The following IGSF21 variants were observed in gnomAD, a reference collection of about 807,000 sequenced individuals.
IGSF21 encodes immunoglobulin superfamily member 21.
IGSF21 carries 28 observed loss-of-function variants against 46.8 expected under a neutral mutation model. The ratio of observed to expected loss-of-function variants is 0.60; its 90% confidence interval spans 0.44 to 0.82. IGSF21 has a LOEUF of 0.82. Ranked by LOEUF, IGSF21 falls within the 40% of genes least tolerant of loss-of-function variation. IGSF21 has a pLI of 0.00. For missense variants in IGSF21, 624 were observed against 665.5 expected (o/e 0.94, Z 0.69); for synonymous variants, 284 against 273.6 (o/e 1.04, Z -0.38).
At chr1:18,252,938 C>T (rs912567842) in intron 2 of IGSF21, among the ~76,000 whole-genome samples, 1 of 152,130 alleles carries the variant, frequency 6.6e-6, no homozygotes, top group African/African-American at 2.4e-5. Context: ...GGTAACAAAC[C>T]TTTAGCTCAG....
intron 1 of IGSF21, among the ~76,000 whole-genome samples, chr1:18,119,746 G>C (rs942712696): frequency 2.6e-5 from 3 of 113,450 alleles, no homozygotes; most frequent in African/African-American, 9.6e-5. Flanking sequence ...AGGGGGCAAG[G>C]CTTTTAATAA....
rs2084587749 is a variant in IGSF21, at chr1:18,228,107, C to T, written c.183+97C>T. 1.3e-5 allele frequency: 12 copies of T among 906,962 alleles called. No homozygotes were observed. The South Asian group carries it at 1.6e-4, about 12-fold the overall frequency. 56.2% of individuals were successfully genotyped at this position (906,962 alleles called of 1,614,324 possible). A position where few individuals can be genotyped will look rare whatever the true frequency, so the allele number is the denominator to read the frequency against. ...ACCCTCACTGGTGTGGCTATGACCT[C>T]AGCCCTGACCCAGTCCTGAGTTGTC... On this transcript the variant is annotated intron_variant, in intron 2 of 9. Transcript: ENST00000251296.
chr1:18,151,973 T>G (rs1352195690), intron 1 of IGSF21, among the ~76,000 whole-genome samples: 1 of 152,172 alleles, frequency 6.6e-6, no homozygotes, highest in Non-Finnish European at 1.5e-5. Context: ...GTCACCCTAC[T>G]CATCACTCTG....
chr1:18,293,830 G>T (rs1444229910), intron 3 of IGSF21, among the ~76,000 whole-genome samples: 1 of 152,124 alleles, frequency 6.6e-6, no homozygotes, highest in East Asian at 1.9e-4. Flanking sequence ...CACCAGCAAG[G>T]CCTCTAGGAC....
intron 2 of IGSF21, among the ~76,000 whole-genome samples, chr1:18,262,146 A>G (rs2084952752): frequency 6.6e-6 from 1 of 152,108 alleles, no homozygotes; most frequent in South Asian, 2.1e-4. Flanking sequence ...CCAAATCGGG[A>G]CCGTACTTTG....
rs540550703 is a variant in IGSF21, at chr1:18,332,938, C to T, written c.306-1954C>T. Reference sequence around the variant, plus strand: ...TCACAGGGGAAAAGGAGCCAGAAGACGAAGATGGAGCAGGTAGCTAAAAGG... The same window carrying T: ...TCACAGGGGAAAAGGAGCCAGAAGATGAAGATGGAGCAGGTAGCTAAAAGG... On this transcript the variant is annotated intron_variant, in intron 3 of 9. Coordinates refer to ENST00000251296, the MANE Select transcript of IGSF21 (RefSeq NM_032880.5). Among the ~76,000 whole-genome samples, 8 of 152,162 alleles carry T rather than the reference C, an allele frequency of 5.3e-5. No homozygotes were observed. The South Asian group carries it at 1.5e-3, about 28-fold the overall frequency.
intron 3 of IGSF21, among the ~76,000 whole-genome samples, chr1:18,324,174 C>T (rs1356031922): frequency 6.6e-6 from 1 of 152,204 alleles, no homozygotes; most frequent in Non-Finnish European, 1.5e-5. Context: ...TGGCAGGAGA[C>T]CCCAGGCAGT....
intron 2 of IGSF21, among the ~76,000 whole-genome samples, chr1:18,266,293 G>C (rs1446874592): frequency 6.6e-6 from 1 of 152,214 alleles, no homozygotes; most frequent in Non-Finnish European, 1.5e-5. Flanking sequence ...GGTAGAGCCA[G>C]GAGCTGATCA....
chr1:18,244,301 G>A (rs768147499), intron 2 of IGSF21, among the ~76,000 whole-genome samples: 2 of 152,206 alleles, frequency 1.3e-5, no homozygotes, highest in Non-Finnish European at 2.9e-5. Context: ...GCCCTAGCCT[G>A]CCAGATGAAA....
intron 1 of IGSF21, among the ~76,000 whole-genome samples, chr1:18,160,570 C>A (rs1570280291): frequency 8.1e-6 from 1 of 122,776 alleles, no homozygotes; most frequent in South Asian, 2.7e-4. Context: ...GTCATAATTT[C>A]TTTTCTGGTA....
At chr1:18,203,970 A>G (rs868292666) in intron 1 of IGSF21, among the ~76,000 whole-genome samples, 1 of 152,236 alleles carries the variant, frequency 6.6e-6, no homozygotes, top group Non-Finnish European at 1.5e-5. Context: ...ATCTGGGGCC[A>G]TCGCTTGCCG....
chr1:18,349,726 C>T (rs967845043), intron 4 of IGSF21, among the ~76,000 whole-genome samples: 1 of 152,100 alleles, frequency 6.6e-6, no homozygotes, highest in Non-Finnish European at 1.5e-5. Context: ...CTCACAAGAT[C>T]CCTAGAAAGT....
chr1:18,359,991 G>A (rs2086082257), intron 4 of IGSF21, among the ~76,000 whole-genome samples: 1 of 152,184 alleles, frequency 6.6e-6, no homozygotes. Flanking sequence ...GTCTGAGCAA[G>A]TTGCTTCACC....
intron 8 of IGSF21, 131 bp from the exon 9 acceptor site, chr1:18,377,262 C>T (rs759956685): frequency 2.2e-6 from 2 of 917,798 alleles, no homozygotes; most frequent in Non-Finnish European, 3.7e-6. Flanking sequence ...TCCAGCTCCC[C>T]TGAAGGTTGT....
At chr1:18,360,976 G>A (rs978689421) in intron 4 of IGSF21, among the ~76,000 whole-genome samples, 2 of 151,174 alleles carry the variant, frequency 1.3e-5, no homozygotes, top group African/African-American at 4.8e-5. Context: ...GATGCCCCAC[G>A]GTGTCTGGGA....
At chr1:18,202,169 C>T (rs2087082004) in intron 1 of IGSF21, among the ~76,000 whole-genome samples, 1 of 152,172 alleles carries the variant, frequency 6.6e-6, no homozygotes, top group South Asian at 2.1e-4. Flanking sequence ...TGTCAATTTT[C>T]CCCTGATGAG....
In IGSF21 at chr1:18,365,733, G is replaced by A. The variant is rs779676423; in HGVS notation, c.1015+36G>A. 3 of 1,537,134 alleles carry A rather than the reference G, an allele frequency of 2.0e-6. No homozygotes were observed. The highest frequency in any genetic ancestry group is 2.7e-6 in the Non-Finnish European group (3 of 1,123,000). ...GTGGGGGCCCTTCTGTAGAGCCCTTGCAGACCTGGGTGTGGGGAGAGCCTT... is the reference window on the plus strand; with the variant it reads ...GTGGGGGCCCTTCTGTAGAGCCCTTACAGACCTGGGTGTGGGGAGAGCCTT... On this transcript the variant is annotated intron_variant, in intron 6 of 9. Transcript: ENST00000251296. This position sits in a 1 kb window ranked among gnomAD's most constrained non-coding sequence, Gnocchi z 4.8.
intron 3 of IGSF21, among the ~76,000 whole-genome samples, chr1:18,319,134 C>T (rs2085574120): frequency 6.6e-6 from 1 of 152,238 alleles, no homozygotes; most frequent in Non-Finnish European, 1.5e-5. Context: ...ACAGAGGGTG[C>T]TCCTTGGTGT....
intron 3 of IGSF21, 36 bp downstream of exon 3, chr1:18,292,023 A>G (rs1433282459): frequency 6.2e-7 from 1 of 1,604,040 alleles, no homozygotes; most frequent in African/African-American, 1.3e-5. Flanking sequence ...ACAGCGGGGG[A>G]AGGGCGGAGG....
Sources: gnomAD v4.1 joint callset for allele counts (sites outside exome capture counted in the v4.1 genomes callset) on GRCh38, gnomAD v4.1.1 for gene constraint, Gnocchi (gnomAD v3.1) non-coding constraint, MANE v1.5 for transcripts, NCBI Gene and HGNC (gene_info 2026-07-23, HGNC 2026-07-21) for gene names.